PLA2G4A: variants seen among roughly 807,000 people sequenced by gnomAD.
PLA2G4A encodes cytosolic phospholipase A2.
In PLA2G4A, 40 loss-of-function variants were observed where a neutral mutation model predicts 81.9. That is an observed-to-expected ratio of 0.49 (90% CI 0.38 to 0.64). The LOEUF is 0.64. Among genes scored for constraint, PLA2G4A ranks in the 30% least tolerant of loss-of-function variants. PLA2G4A has a pLI of 0.00. For synonymous variants in PLA2G4A, 302 were observed against 296.9 expected (o/e 1.02, Z -0.18); for missense variants, 715 against 905.1 (o/e 0.79, Z 2.69).
chr1:186,951,513 G>C (rs1008922993), intron 13 of PLA2G4A, among the ~76,000 whole-genome samples: 4 of 151,558 alleles, frequency 2.6e-5, no homozygotes, highest in African/African-American at 9.7e-5. Flanking sequence ...ACAAAGGGAA[G>C]GCTTTATAAG....
At chr1:186,879,653 T>G (rs1653651974) in intron 3 of PLA2G4A, among the ~76,000 whole-genome samples, 1 of 151,926 alleles carries the variant, frequency 6.6e-6, no homozygotes, top group South Asian at 2.1e-4. Context: ...TTTATGAAGC[T>G]TAAATGAAAT....
chr1:186,935,058 A>G (rs1202947447), intron 8 of PLA2G4A, among the ~76,000 whole-genome samples: 1 of 151,968 alleles, frequency 6.6e-6, no homozygotes, highest in Non-Finnish European at 1.5e-5. Flanking sequence ...ACCCTAATGG[A>G]GACTGCAAAT....
At chr1:186,885,462 C>A (rs1653903162) in intron 3 of PLA2G4A, among the ~76,000 whole-genome samples, 1 of 152,038 alleles carries the variant, frequency 6.6e-6, no homozygotes, top group Non-Finnish European at 1.5e-5. Context: ...TCTCTGCCTG[C>A]CAGAGAATAA....
chr1:186,932,696 A>T, intron 7 of PLA2G4A, 67 bp from the exon 8 acceptor site: 1 of 1,454,404 alleles, frequency 6.9e-7, no homozygotes, highest in Non-Finnish European at 9.7e-7. Context: ...ATAAAGATTG[A>T]GACTAAAGGG....
chr1:186,949,949 T>C (rs1196640798), intron 12 of PLA2G4A, among the ~76,000 whole-genome samples: 4 of 152,152 alleles, frequency 2.6e-5, no homozygotes, highest in East Asian at 3.9e-4. Flanking sequence ...GGTGGAACGG[T>C]TGCTTGAGCC....
At chr1:186,898,468 A>C (rs1462135330) in intron 5 of PLA2G4A, among the ~76,000 whole-genome samples, 2 of 152,294 alleles carry the variant, frequency 1.3e-5, no homozygotes, top group Middle Eastern at 3.4e-3. Flanking sequence ...CTCTCTAGGG[A>C]GCTTGCATTC....
At chr1:186,904,400 AC>A (rs1451487470) in intron 5 of PLA2G4A, among the ~76,000 whole-genome samples, 13 of 152,256 alleles carry the variant, frequency 8.5e-5, no homozygotes, top group Non-Finnish European at 2.9e-5. Flanking sequence ...GAAGAAGTTT[AC>A]AGTAATTGTT....
chr1:186,836,640 G>A (rs1324278449), intron 1 of PLA2G4A, among the ~76,000 whole-genome samples: 3 of 152,102 alleles, frequency 2.0e-5, no homozygotes, highest in Non-Finnish European at 2.9e-5. Flanking sequence ...GTCAAGAAAT[G>A]CAGATGTTAA....
intron 7 of PLA2G4A, among the ~76,000 whole-genome samples, chr1:186,923,722 T>C (rs920039639): frequency 6.6e-6 from 1 of 152,228 alleles, no homozygotes; most frequent in Non-Finnish European, 1.5e-5. Flanking sequence ...ATGAGCTTGC[T>C]AGAAGAAAAA....
intron 6 of PLA2G4A, among the ~76,000 whole-genome samples, chr1:186,910,755 G>A (rs999881448): frequency 3.3e-5 from 5 of 152,136 alleles, no homozygotes; most frequent in African/African-American, 1.2e-4. Flanking sequence ...CTTTGTTAGA[G>A]GGGGGCATCC....
At chr1:186,986,026 CAG>C (rs1404378420) in intron 17 of PLA2G4A, among the ~76,000 whole-genome samples, 1 of 152,252 alleles carries the variant, frequency 6.6e-6, no homozygotes, top group East Asian at 1.9e-4. Flanking sequence ...CTCCCAAGAA[CAG>C]GGTATTTTCC....
intron 1 of PLA2G4A, among the ~76,000 whole-genome samples, chr1:186,852,220 G>T (rs2102024128): frequency 6.6e-6 from 1 of 152,024 alleles, no homozygotes; most frequent in Non-Finnish European, 1.5e-5. Flanking sequence ...AGGGAGAAGA[G>T]ATAGTAACAC....
chr1:186,964,632 C>A lies in PLA2G4A; in HGVS notation c.1580-777C>A, dbSNP rs12720660. Among the ~76,000 whole-genome samples the A allele has an allele frequency of 7.6e-3, 1,160 of 152,302 alleles. 11 individuals carry two copies. The highest frequency in any genetic ancestry group is 0.027 in the African/African-American group (1,115 of 41,562). The stretch of plus-strand genomic sequence containing the variant: ...TTCTTCTCAGAGGCATCTCCCCTGA[C>A]CATCCACCTGAAGTTACTTACTCCT... On this transcript the variant is annotated intron_variant, in intron 14 of 17. Transcript: ENST00000367466.
rs546723218 is a variant in PLA2G4A, at chr1:186,894,125, A to G, written c.292A>G (p.Met98Val). 2.1e-6 allele frequency: 3 copies of G among 1,453,458 alleles called. No homozygotes were observed. The highest frequency in any genetic ancestry group is 2.3e-5 in the South Asian group (2 of 87,928). The allele number at this position is 1,453,458 out of a possible 1,614,324, so 90.0% of individuals were successfully genotyped here. A position where few individuals can be genotyped will look rare whatever the true frequency, so the allele number is the denominator to read the frequency against. Residue 98 changes from methionine to valine, a missense_variant, in exon 5 of 18, where the codon ATG becomes GTG. Physicochemically the swap from Met to Val is conservative, Grantham distance 21 (BLOSUM62 1). Coordinates refer to ENST00000367466, the MANE Select transcript of PLA2G4A (RefSeq NM_024420.3). ...EITLMDANYV[M>V]DETLGTATFT... ...TACGTTAATGGATGCCAATTATGTC[A>G]TGGATGAAACTCTAGGGACAGCAAC...
chr1:186,960,919 T>C (rs1362476958), intron 14 of PLA2G4A, among the ~76,000 whole-genome samples: 3 of 152,186 alleles, frequency 2.0e-5, no homozygotes, highest in Non-Finnish European at 4.4e-5. Context: ...GACATGACCT[T>C]ATTTAATCAT....
intron 7 of PLA2G4A, among the ~76,000 whole-genome samples, chr1:186,930,297 C>A (rs984742638): frequency 3.9e-5 from 6 of 152,084 alleles, no homozygotes; most frequent in African/African-American, 1.4e-4. Context: ...GAATTAAAAC[C>A]CTGACCTGAA....
intron 5 of PLA2G4A, among the ~76,000 whole-genome samples, chr1:186,904,249 T>C (rs926298940): frequency 2.6e-5 from 4 of 152,152 alleles, no homozygotes; most frequent in Admixed American, 1.3e-4. Context: ...AAAGGTGGAG[T>C]TCTAATTAGT....
chr1:186,858,131 A>G (rs1652659045), intron 2 of PLA2G4A, among the ~76,000 whole-genome samples: 1 of 152,064 alleles, frequency 6.6e-6, no homozygotes, highest in African/African-American at 2.4e-5. Flanking sequence ...CAGTAATGGG[A>G]TTGCTGGGCC....
intron 1 of PLA2G4A, among the ~76,000 whole-genome samples, chr1:186,842,483 GA>G (rs1379425711): frequency 6.6e-6 from 1 of 152,164 alleles, no homozygotes; most frequent in African/African-American, 2.4e-5. Context: ...GTTACGGGCT[GA>G]AATATGCCCC....
Sources: allele counts gnomAD v4.1 joint callset (sites outside exome capture counted in the v4.1 genomes callset), GRCh38; gene constraint gnomAD v4.1.1; transcripts MANE v1.5; gene names NCBI Gene and HGNC (gene_info 2026-07-23, HGNC 2026-07-21).